Variants in SETDB1 observed in about 807,000 individuals in gnomAD.
The protein encoded by SETDB1 is SET domain bifurcated histone lysine methyltransferase 1.
In SETDB1, 31 loss-of-function variants were observed where a neutral mutation model predicts 137.4. That is an observed-to-expected ratio of 0.23 (90% CI 0.17 to 0.30). The LOEUF is 0.30. Ranked by LOEUF, SETDB1 falls within the 10% of genes least tolerant of loss-of-function variation. The pLI is 1.00. For synonymous variants in SETDB1, 548 were observed against 579.9 expected (o/e 0.95, Z 0.79); for missense variants, 1,113 against 1,631.5 (o/e 0.68, Z 5.47).
intron 3 of SETDB1, among the ~76,000 whole-genome samples, chr1:150,939,106 T>G (rs1362017601): frequency 2.6e-5 from 4 of 151,152 alleles, no homozygotes; most frequent in Admixed American, 2.6e-4. Flanking sequence ...GCTACCACGC[T>G]TGGCTAATTT....
At position 150,942,581 on chromosome 1, in the gene SETDB1, C is replaced by G; in HGVS notation, c.566C>G (p.Ser189Cys). 1.2e-6 allele frequency: 2 copies of G among 1,612,924 alleles called. No homozygotes were observed. Among genetic ancestry groups the G allele is most frequent in the Non-Finnish European group, 1.7e-6 (2 of 1,179,524 alleles). ...DLHKGTLSQM[S>C]GELSKDGDLI... ...TCTATAGGAACCTTGAGTCAGATGT[C>G]TGGAGAACTAAGCAAAGATGGTGAC... The change falls in exon 6 of 22, where the codon TCT becomes TGT. Residue 189 changes from serine to cysteine, a missense_variant. Ser to Cys is a moderately radical substitution (Grantham distance 112, BLOSUM62 -1). Transcript: ENST00000692827.
At position 150,963,524 on chromosome 1, in the gene SETDB1, G is replaced by A; in HGVS notation, c.3461-6G>A. On this transcript the variant is annotated splice_polypyrimidine_tract_variant and splice_region_variant and intron_variant, in intron 19 of 21. Coordinates refer to ENST00000692827, the MANE Select transcript of SETDB1 (RefSeq NM_001366418.1). ...GGGTCCTGACCCCATTCTCCCTCCTGTCCAGGTCCAATGAAGCGTCAAGTG... is the reference window on the plus strand; with the variant it reads ...GGGTCCTGACCCCATTCTCCCTCCTATCCAGGTCCAATGAAGCGTCAAGTG... 2 of 1,607,460 alleles carry A rather than the reference G, an allele frequency of 1.2e-6. No homozygotes were observed. Among genetic ancestry groups the A allele is most frequent in the Non-Finnish European group, 1.7e-6 (2 of 1,176,090 alleles).
chr1:150,934,596 T>C (rs1005630986), intron 3 of SETDB1, among the ~76,000 whole-genome samples: 17 of 152,334 alleles, frequency 1.1e-4, no homozygotes, highest in African/African-American at 2.9e-4. Context: ...TCTAGTGTTA[T>C]AATTACTGCT....
intron 14 of SETDB1, among the ~76,000 whole-genome samples, chr1:150,954,272 A>G (rs1431682993): frequency 6.6e-6 from 1 of 152,170 alleles, no homozygotes; most frequent in Non-Finnish European, 1.5e-5. Context: ...GCAGTGAGCT[A>G]TGATCACACC....
intron 14 of SETDB1, among the ~76,000 whole-genome samples, chr1:150,953,526 C>A (rs372479285): frequency 1.4e-5 from 2 of 139,754 alleles, no homozygotes; most frequent in Admixed American, 7.1e-5. Context: ...AATTCTATCT[C>A]AAAAAAAAAA....
chr1:150,945,428 G>A, intron 9 of SETDB1: 3 of 569,696 alleles, frequency 5.3e-6, no homozygotes, highest in Non-Finnish European at 8.2e-6. Context: ...GGTTTTAGTA[G>A]GATAGTGGGA....
At chr1:150,956,126 G>A (rs1301646014) in intron 14 of SETDB1, among the ~76,000 whole-genome samples, 1 of 150,316 alleles carries the variant, frequency 6.7e-6, no homozygotes, top group South Asian at 2.1e-4. Flanking sequence ...AGTGGCTCAC[G>A]CCTGTAATCC....
At chr1:150,928,220 G>C in intron 2 of SETDB1, 1 of 476,636 alleles carries the variant, frequency 2.1e-6, no homozygotes. Context: ...ACCACACCCA[G>C]CTAATTTTTT....
intron 2 of SETDB1, among the ~76,000 whole-genome samples, chr1:150,929,269 T>G (rs1192701758): frequency 6.6e-6 from 1 of 152,228 alleles, no homozygotes; most frequent in Non-Finnish European, 1.5e-5. Context: ...TTTCCTGACT[T>G]TTTAATGATC....
In SETDB1 at chr1:150,950,720, C is replaced by T. The variant is rs1417753952; in HGVS notation, c.1846C>T (p.Arg616Cys). 3.7e-6 allele frequency: 6 copies of T among 1,614,074 alleles called. No individual in the cohort carries two copies. Among genetic ancestry groups the T allele is most frequent in the South Asian group, 1.1e-5 (1 of 91,084 alleles). ...LYDFRRMTAR[R>C]RVNRKMGFHV... ...TGACTTCCGGCGGATGACAGCCCGG[C>T]GTCGAGTTAACCGCAAGATGGGCTT... Residue 616 changes from arginine to cysteine, a missense_variant, in exon 13 of 22, where the codon CGT becomes TGT. Arg to Cys is a radical substitution (Grantham distance 180). Transcript: ENST00000692827.
intron 18 of SETDB1, 92 bp from the exon 19 acceptor site, chr1:150,962,882 C>G (rs184053405): frequency 1.3e-6 from 2 of 1,509,348 alleles, no homozygotes; most frequent in African/African-American, 1.4e-5. Context: ...CTCTTGCCAC[C>G]GCCCTTTCCT....
At position 150,963,029 on chromosome 1, in the gene SETDB1, G is replaced by A. The variant is rs367609640; in HGVS notation, c.3350G>A (p.Arg1117Gln). ...AGTGAGGGGGAAAGTGGGACCAGCC[G>A]AAAGCCCACTGCTGGTCAGACTTCG... ...TESEGESGTS[R>Q]KPTAGQTSAT... Residue 1117 changes from arginine (R) to glutamine (Q), a missense_variant, in exon 19 of 22, where the codon CGA becomes CAA. Physicochemically the swap from Arg to Gln is conservative, Grantham distance 43. This residue lies in a region of SETDB1 where 373 missense variants were observed against 412.7 expected (regional missense o/e 0.90). Transcript: ENST00000692827. 36 of 1,614,048 alleles carry A rather than the reference G, an allele frequency of 2.2e-5. No individual in the cohort carries two copies. Among genetic ancestry groups the A allele is most frequent in the Admixed American group, 3.3e-5 (2 of 60,000 alleles).
chr1:150,930,082 C>T lies in SETDB1; in HGVS notation c.376C>T (p.Pro126Ser), dbSNP rs1266723144. The T allele has an allele frequency of 6.2e-7, 1 of 1,613,822 alleles. No homozygotes were observed. The highest frequency in any genetic ancestry group is 2.2e-5 in the East Asian group (1 of 44,890). The part of the protein sequence containing the change: ...SSRPTEIIEI[P>S]DEDDDVLSID... ...CCGGCCTACAGAAATAATTGAGATT[C>T]CTGATGAAGATGATGATGTCCTCAG... Residue 126 changes from proline to serine, a missense_variant, in exon 3 of 22, where the codon CCT becomes TCT. Physicochemically the swap from Pro to Ser is moderately conservative, Grantham distance 74. Around this residue, in one of 11 missense-constraint regions of SETDB1, gnomAD observed 159 missense variants for 188.6 expected, o/e 0.84. Coordinates refer to ENST00000692827, the MANE Select transcript of SETDB1 (RefSeq NM_001366418.1).
Position 150,963,045 on chromosome 1 carries a change from T to C in SETDB1, c.3366T>C (p.Gly1122=). ...GGACCAGCCGAAAGCCCACTGCTGG[T>C]CAGACTTCGGCTACAGCGGTTGACA... ...ESGTSRKPTA[G]QTSATAVDSD... Residue 1122 remains glycine (G), a synonymous_variant, in exon 19 of 22, where the codon GGT becomes GGC. Coordinates refer to ENST00000692827, the MANE Select transcript of SETDB1 (RefSeq NM_001366418.1). The C allele has an allele frequency of 6.2e-7, 1 of 1,614,170 alleles. No homozygotes were observed. Among genetic ancestry groups the C allele is most frequent in the African/African-American group, 1.3e-5 (1 of 75,050 alleles).
chr1:150,940,081 C>T, intron 4 of SETDB1, 107 bp downstream of exon 4: 1 of 746,476 alleles, frequency 1.3e-6, no homozygotes, highest in Non-Finnish European at 2.3e-6. Context: ...AATCATTCAC[C>T]CTGTGATCAG....
Position 150,949,237 on chromosome 1 carries a change from C to T in SETDB1, c.1383C>T (p.Phe461=), listed in dbSNP as rs754515660. 4 of 1,614,094 alleles carry T rather than the reference C, an allele frequency of 2.5e-6. No homozygotes were observed. In the Admixed American group the frequency reaches 5.0e-5, roughly 20 times the overall value. The change falls in exon 11 of 22, where the codon TTC becomes TTT. Residue 461 remains phenylalanine, a synonymous_variant. Transcript: ENST00000692827. ...CTACAGCTCCACCTGCCCCACCTTT[C>T]CCACCTGCTCCACCTCTATCCCCCC... is the stretch of plus-strand genomic sequence containing the variant. ...PQPTAPPAPP[F]PPAPPLSPQA... is the part of the protein sequence containing the mutation.
chr1:150,962,237 C>T, intron 17 of SETDB1, 79 bp downstream of exon 17: 5 of 1,270,066 alleles, frequency 3.9e-6, no homozygotes, highest in South Asian at 2.4e-5. Context: ...GGCGTAATCT[C>T]AGCTCATTGC....
At chr1:150,936,065 C>CG (rs1389177983) in intron 3 of SETDB1, among the ~76,000 whole-genome samples, 2 of 152,226 alleles carry the variant, frequency 1.3e-5, no homozygotes, top group Non-Finnish European at 2.9e-5. Context: ...CGGCTCACTG[C>CG]AAGCTCCACT....
intron 18 of SETDB1, 35 bp downstream of exon 18, chr1:150,962,754 A>T (rs774318998): frequency 1.2e-6 from 2 of 1,607,144 alleles, no homozygotes; most frequent in Non-Finnish European, 8.5e-7. Flanking sequence ...AGTCTAATAA[A>T]GGAAAATGGG....
Sources: allele counts gnomAD v4.1 joint callset (sites outside exome capture counted in the v4.1 genomes callset), GRCh38; gene constraint gnomAD v4.1.1; regional missense constraint gnomAD v4.1.1; transcripts MANE v1.5; gene names NCBI Gene and HGNC (gene_info 2026-07-23, HGNC 2026-07-21).